The following MECOM variants were observed in gnomAD, a reference collection of about 807,000 sequenced individuals.
MECOM encodes the protein MDS1 and EVI1 complex locus.
MECOM carries 13 observed loss-of-function variants against 116.3 expected under a neutral mutation model. That is an observed-to-expected ratio of 0.11 (90% CI 0.07 to 0.18). The LOEUF (loss-of-function observed/expected upper bound fraction) is 0.18, where lower values mean the gene tolerates loss of function less well. MECOM is among the 10% of genes least tolerant of loss of function. The pLI is 1.00. For synonymous variants in MECOM, 528 were observed against 535.2 expected (o/e 0.99, Z 0.19); for missense variants, 1,299 against 1,509.0 (o/e 0.86, Z 2.31).
intron 2 of MECOM, among the ~76,000 whole-genome samples, chr3:169,216,813 G>A (rs1413356798): frequency 6.6e-6 from 1 of 151,888 alleles, no homozygotes; most frequent in Non-Finnish European, 1.5e-5. Context: ...AATACTGTAG[G>A]TAGCTCAATA....
chr3:169,418,627 C>A (rs1739143953), intron 1 of MECOM, among the ~76,000 whole-genome samples: 1 of 152,100 alleles, frequency 6.6e-6, no homozygotes, highest in Non-Finnish European at 1.5e-5. Context: ...ATCACATAAA[C>A]ATAACCAATG....
chr3:169,529,822 TGCCTTC>T (rs1429076880), intron 1 of MECOM, among the ~76,000 whole-genome samples: 1 of 152,234 alleles, frequency 6.6e-6, no homozygotes, highest in African/African-American at 2.4e-5. Flanking sequence ...GGACTGGGCC[TGCCTTC>T]TCTTCATCTT....
At chr3:169,107,784 G>A in intron 10 of MECOM, 142 bp downstream of exon 10, 5 of 599,870 alleles carry the variant, frequency 8.3e-6, no homozygotes, top group Non-Finnish European at 1.4e-5. Flanking sequence ...GCTTGAGAAA[G>A]CAGGGAAACT....
intron 1 of MECOM, among the ~76,000 whole-genome samples, chr3:169,607,642 G>A (rs1768757878): frequency 6.6e-6 from 1 of 152,234 alleles, no homozygotes; most frequent in South Asian, 2.1e-4. Flanking sequence ...ATCTAAAACA[G>A]CAATGGGTCT....
At chr3:169,466,399 G>A (rs576892057) in intron 1 of MECOM, among the ~76,000 whole-genome samples, 1 of 152,304 alleles carries the variant, frequency 6.6e-6, no homozygotes, top group South Asian at 2.1e-4. Flanking sequence ...AGTGCCAACA[G>A]CAAGATAAAT....
intron 2 of MECOM, among the ~76,000 whole-genome samples, chr3:169,202,839 A>G (rs1300162643): frequency 6.7e-6 from 1 of 148,208 alleles, no homozygotes; most frequent in Non-Finnish European, 1.5e-5. Flanking sequence ...AAAAAAAAAA[A>G]AAGAGTTAAC....
intron 1 of MECOM, among the ~76,000 whole-genome samples, chr3:169,609,707 C>A (rs1272866526): frequency 6.6e-6 from 1 of 152,118 alleles, no homozygotes; most frequent in Non-Finnish European, 1.5e-5. Context: ...TGAATTCAGA[C>A]CATCCCCAAC....
chr3:169,387,305 G>A (rs141166244), intron 1 of MECOM, among the ~76,000 whole-genome samples: 13 of 152,300 alleles, frequency 8.5e-5, no homozygotes, highest in African/African-American at 3.1e-4. Flanking sequence ...TGAACGGCAG[G>A]CTAGAAAAAA....
intron 2 of MECOM, among the ~76,000 whole-genome samples, chr3:169,165,735 A>G (rs149717158): frequency 1.3e-5 from 2 of 152,206 alleles, no homozygotes; most frequent in Admixed American, 1.3e-4. Flanking sequence ...GATAAACAAG[A>G]AGGTAGAGGA....
At chr3:169,432,433 T>C (rs899029110) in intron 1 of MECOM, among the ~76,000 whole-genome samples, 1 of 152,176 alleles carries the variant, frequency 6.6e-6, no homozygotes, top group African/African-American at 2.4e-5. Flanking sequence ...GCTGGGATTA[T>C]AGGCGTGAGC....
At chr3:169,183,870 C>T (rs369053026) in intron 2 of MECOM, among the ~76,000 whole-genome samples, 1,255 of 116,812 alleles carry the variant, frequency 0.011, 33 homozygotes, top group South Asian at 0.025. Context: ...TCTTTTTTCT[C>T]TTTTTTTTTA....
At chr3:169,477,093 GTGTGTGTGTGTGTATATATATATA>G (rs766216963) in intron 1 of MECOM, 45 of 56,072 alleles carry the variant, frequency 8.0e-4, no homozygotes, top group Admixed American at 4.4e-3. Context: ...GTGTGTGTGT[GTGTGTGTGTGTGTATATATATATA>G]TATATATATA....
intron 8 of MECOM, among the ~76,000 whole-genome samples, chr3:169,115,083 A>T (rs1312088805): frequency 3.3e-5 from 5 of 152,152 alleles, no homozygotes; most frequent in Non-Finnish European, 5.9e-5. Flanking sequence ...TTGACAATTT[A>T]CTTTAAATAT....
chr3:169,140,573 T>C (rs1049955154), intron 3 of MECOM, among the ~76,000 whole-genome samples: 1 of 151,992 alleles, frequency 6.6e-6, no homozygotes, highest in South Asian at 2.1e-4. Context: ...AAAACATCAC[T>C]GCAATAATTT....
chr3:169,283,692 C>T (rs923522494), intron 2 of MECOM, among the ~76,000 whole-genome samples: 26 of 152,112 alleles, frequency 1.7e-4, no homozygotes, highest in Admixed American at 1.7e-3. Flanking sequence ...TTCTGAAATG[C>T]ATTTACATGT....
intron 12 of MECOM, among the ~76,000 whole-genome samples, chr3:169,095,815 G>T (rs992484361): frequency 2.6e-5 from 4 of 151,854 alleles, no homozygotes; most frequent in Non-Finnish European, 5.9e-5. Context: ...CTACCACAAA[G>T]CCTTTTCTCT....
At chr3:169,493,996 C>T (rs1372588789) in intron 1 of MECOM, among the ~76,000 whole-genome samples, 2 of 152,066 alleles carry the variant, frequency 1.3e-5, no homozygotes, top group Non-Finnish European at 2.9e-5. Flanking sequence ...CAGATTTATG[C>T]AGCAATCATC....
At chr3:169,514,333 C>A (rs1479338447) in intron 1 of MECOM, among the ~76,000 whole-genome samples, 1 of 151,630 alleles carries the variant, frequency 6.6e-6, no homozygotes, top group Non-Finnish European at 1.5e-5. Flanking sequence ...CATCGTTTTA[C>A]AAAATAACTT....
At chr3:169,204,156 C>T (rs1391867514) in intron 2 of MECOM, among the ~76,000 whole-genome samples, 2 of 152,020 alleles carry the variant, frequency 1.3e-5, no homozygotes, top group African/African-American at 4.8e-5. Flanking sequence ...TAGGGTTTTC[C>T]CCATGAAGGT....
Sources: allele counts gnomAD v4.1 joint callset (sites outside exome capture counted in the v4.1 genomes callset), GRCh38; gene constraint gnomAD v4.1.1; transcripts MANE v1.5; gene names NCBI Gene and HGNC (gene_info 2026-07-23, HGNC 2026-07-21).